Variants in DGKB observed in about 807,000 individuals in gnomAD.
The protein encoded by DGKB is diacylglycerol kinase beta.
In DGKB, 67 loss-of-function variants were observed where a neutral mutation model predicts 114.3. That is an observed-to-expected ratio of 0.59 (90% CI 0.48 to 0.72). The LOEUF (loss-of-function observed/expected upper bound fraction) is 0.72, where lower values mean the gene tolerates loss of function less well. Among genes scored for constraint, DGKB ranks in the 30% least tolerant of loss-of-function variants. DGKB has a pLI of 0.00. For synonymous variants in DGKB, 398 were observed against 323.1 expected (o/e 1.23, Z -2.49); for missense variants, 907 against 975.2 (o/e 0.93, Z 0.93).
rs540611076 is a variant in DGKB at position 14,838,063 on chromosome 7, C to G, written c.70+3131G>C. Among the ~76,000 whole-genome samples the G allele has an allele frequency of 2.6e-5, 4 of 152,178 alleles. No individual in the cohort carries two copies. In the East Asian group the frequency reaches 7.7e-4, roughly 29 times the overall value. On this transcript the variant is annotated intron_variant, in intron 2 of 25. Coordinates refer to ENST00000402815, the MANE Select transcript of DGKB (RefSeq NM_001350709.2). ...TCATACTACCAATTTACTGAACAAC[C>G]ATTGATCTTTGTCTCAGTATATTAT...
At chr7:14,437,269 AT>A (rs1228131209) in intron 21 of DGKB, among the ~76,000 whole-genome samples, 10 of 145,922 alleles carry the variant, frequency 6.9e-5, no homozygotes, top group Admixed American at 1.4e-4. Context: ...GAGTTTATTA[AT>A]TTAGTAACCA....
intron 20 of DGKB, among the ~76,000 whole-genome samples, chr7:14,518,398 T>G (rs888740795): frequency 4.6e-5 from 7 of 151,584 alleles, no homozygotes; most frequent in African/African-American, 1.7e-4. Context: ...AATCTGTATA[T>G]CAAACCCCCA....
At chr7:14,701,222 G>A (rs9639213) in intron 7 of DGKB, among the ~76,000 whole-genome samples, 60,450 of 151,972 alleles carry the variant, frequency 0.4, 14,382 homozygotes, top group East Asian at 0.87. Context: ...TATTTCAGCC[G>A]CATATAGGAC....
At chr7:14,469,082 G>C (rs1780902242) in intron 21 of DGKB, among the ~76,000 whole-genome samples, 1 of 152,042 alleles carries the variant, frequency 6.6e-6, no homozygotes. Context: ...GCATGTATCT[G>C]TTAGAGCTCA....
intron 17 of DGKB, among the ~76,000 whole-genome samples, chr7:14,595,557 CA>C (rs1802438577): frequency 6.6e-6 from 1 of 150,580 alleles, no homozygotes; most frequent in African/African-American, 2.4e-5. Flanking sequence ...AAAAAATATG[CA>C]AAATAAATGT....
chr7:14,753,814 A>G (rs1384590576), intron 4 of DGKB, 114 bp downstream of exon 4: 5 of 765,558 alleles, frequency 6.5e-6, no homozygotes, highest in Non-Finnish European at 1.1e-5. Flanking sequence ...CTTGTATACT[A>G]TAGAAATCAT....
At chr7:14,457,971 C>T (rs1584091499) in intron 21 of DGKB, among the ~76,000 whole-genome samples, 1 of 152,174 alleles carries the variant, frequency 6.6e-6, no homozygotes, top group Non-Finnish European at 1.5e-5. Context: ...ATCCAGTGTT[C>T]TCTGGATTGC....
intron 23 of DGKB, among the ~76,000 whole-genome samples, chr7:14,334,391 TGTGTGCGCGC>T (rs1255858927): frequency 1.2e-5 from 1 of 83,450 alleles, no homozygotes; most frequent in Non-Finnish European, 2.9e-5. Context: ...TGTGTGTGTG[TGTGTGCGCGC>T]GCGTGTATGT....
At chr7:14,383,818 T>C (rs980166364) in intron 21 of DGKB, among the ~76,000 whole-genome samples, 5 of 152,224 alleles carry the variant, frequency 3.3e-5, no homozygotes, top group African/African-American at 1.2e-4. Context: ...GCTGAATGCA[T>C]TATCATCCTG....
intron 2 of DGKB, among the ~76,000 whole-genome samples, chr7:14,758,008 A>G (rs983787287): frequency 6.6e-6 from 1 of 152,118 alleles, no homozygotes; most frequent in African/African-American, 2.4e-5. Context: ...ATTTAGAGGG[A>G]CGCTATAGAT....
intron 17 of DGKB, among the ~76,000 whole-genome samples, chr7:14,602,769 T>G (rs1041139663): frequency 6.6e-6 from 1 of 152,184 alleles, no homozygotes; most frequent in Non-Finnish European, 1.5e-5. Context: ...CTAAGGGATT[T>G]TGTTATAGCA....
chr7:14,811,521 C>T (rs922949763), intron 2 of DGKB, among the ~76,000 whole-genome samples: 7 of 152,006 alleles, frequency 4.6e-5, no homozygotes, highest in South Asian at 4.1e-4. Context: ...ATTATTCAAA[C>T]GTGAAATTAT....
chr7:14,769,200 GA>G (rs1836987481), intron 2 of DGKB, among the ~76,000 whole-genome samples: 1 of 123,362 alleles, frequency 8.1e-6, no homozygotes, highest in African/African-American at 3.1e-5. Context: ...AGAAAGAAAG[GA>G]AGAAAGGAAA....
Position 14,145,314 on chromosome 7 carries a change from A to G in DGKB, c.*3817T>C, listed in dbSNP as rs986194548. On this transcript the variant is annotated 3_prime_UTR_variant, in exon 26 of 26. Transcript: ENST00000402815. ...TTCTTAAAGTTTACAGCTTTAATATATGTTACAAGGGTTTAATCTTTTAAT... is the reference window on the plus strand; with the variant it reads ...TTCTTAAAGTTTACAGCTTTAATATGTGTTACAAGGGTTTAATCTTTTAAT... 6.6e-6 allele frequency: 1 copy of G among 152,162 alleles called. No individual in the cohort carries two copies. The highest frequency in any genetic ancestry group is 1.5e-5 in the Non-Finnish European group (1 of 68,030). 9.4% of individuals were successfully genotyped at this position (152,162 alleles called of 1,614,324 possible).
intron 25 of DGKB, among the ~76,000 whole-genome samples, chr7:14,156,808 T>C (rs965289450): frequency 1.3e-5 from 2 of 152,190 alleles, no homozygotes; most frequent in Non-Finnish European, 2.9e-5. Flanking sequence ...GTATCTTTAT[T>C]ATACTAAGTG....
chr7:14,551,619 G>A (rs1473640814), intron 20 of DGKB, among the ~76,000 whole-genome samples: 1 of 152,066 alleles, frequency 6.6e-6, no homozygotes, highest in African/African-American at 2.4e-5. Flanking sequence ...ATCTGTTGAT[G>A]TCAGCAAGCC....
chr7:14,877,035 A>G (rs532297819), intron 1 of DGKB, among the ~76,000 whole-genome samples: 2 of 152,344 alleles, frequency 1.3e-5, no homozygotes, highest in African/African-American at 4.8e-5. Flanking sequence ...AAGAAGCACT[A>G]AATATGTGGA....
intron 23 of DGKB, among the ~76,000 whole-genome samples, chr7:14,289,527 C>T (rs1801402174): frequency 6.6e-6 from 1 of 152,038 alleles, no homozygotes; most frequent in Admixed American, 6.6e-5. Flanking sequence ...TGTATATTGT[C>T]TAATAACACA....
chr7:14,703,053 G>C (rs1292516589), intron 6 of DGKB, among the ~76,000 whole-genome samples: 1 of 13,186 alleles, frequency 7.6e-5, no homozygotes, highest in Admixed American at 1.3e-3. Flanking sequence ...TTCTCATACA[G>C]TCAATAAATA....
Sources: gnomAD v4.1 joint callset for allele counts (sites outside exome capture counted in the v4.1 genomes callset) on GRCh38, gnomAD v4.1.1 for gene constraint, MANE v1.5 for transcripts, NCBI Gene and HGNC (gene_info 2026-07-23, HGNC 2026-07-21) for gene names.